Variants in DGKG observed in about 807,000 individuals in gnomAD.
DGKG encodes diacylglycerol kinase gamma.
DGKG carries 78 observed loss-of-function variants against 105.3 expected under a neutral mutation model. The observed-to-expected ratio is 0.74, with a 90% CI of 0.62 to 0.89. The LOEUF (loss-of-function observed/expected upper bound fraction) is 0.89, where lower values mean the gene tolerates loss of function less well. DGKG is among the 40% of genes least tolerant of loss of function. The pLI, the probability that DGKG is intolerant of heterozygous loss-of-function variation, is 0.00. For missense variants in DGKG, 958 were observed against 1,020.1 expected (o/e 0.94, Z 0.83); for synonymous variants, 346 against 367.1 (o/e 0.94, Z 0.66).
At chr3:186,221,303 G>C (rs1267240847) in intron 20 of DGKG, among the ~76,000 whole-genome samples, 3 of 152,112 alleles carry the variant, frequency 2.0e-5, no homozygotes, top group Non-Finnish European at 4.4e-5. Flanking sequence ...GTTAGTATCT[G>C]TCCTTGCCAA....
At chr3:186,257,163 G>A (rs1721519245) in intron 17 of DGKG, among the ~76,000 whole-genome samples, 3 of 152,278 alleles carry the variant, frequency 2.0e-5, no homozygotes, top group Non-Finnish European at 2.9e-5. Flanking sequence ...GTGCTCCCCC[G>A]GCCGCTTTCT....
intron 21 of DGKG, among the ~76,000 whole-genome samples, chr3:186,196,671 T>G (rs1718198020): frequency 6.6e-6 from 1 of 152,190 alleles, no homozygotes; most frequent in African/African-American, 2.4e-5. Context: ...GAATTTTGGC[T>G]ATTGGATAAG....
chr3:186,243,895 G>GGT (rs373579280), intron 19 of DGKG, among the ~76,000 whole-genome samples: 1 of 116,338 alleles, frequency 8.6e-6, no homozygotes, highest in Non-Finnish European at 1.6e-5. Flanking sequence ...AAATTTCTGT[G>GGT]TTTTTTTTTT....
chr3:186,319,055 T>C (rs1724954743), intron 2 of DGKG, among the ~76,000 whole-genome samples: 1 of 152,214 alleles, frequency 6.6e-6, no homozygotes, highest in Non-Finnish European at 1.5e-5. Flanking sequence ...TGACAGGGCT[T>C]GGTGCTTTGC....
intron 19 of DGKG, among the ~76,000 whole-genome samples, chr3:186,250,762 C>T (rs920932364): frequency 2.6e-5 from 4 of 151,896 alleles, no homozygotes; most frequent in African/African-American, 4.8e-5. Context: ...GTTGGCCAGG[C>T]TGGTCTCGAA....
chr3:186,160,607 C>A, intron 24 of DGKG: 1 of 985,378 alleles, frequency 1.0e-6, no homozygotes. Context: ...TAGTAGAAGA[C>A]AATTTGATGT....
At chr3:186,177,946 A>G (rs1348368093) in intron 22 of DGKG, among the ~76,000 whole-genome samples, 1 of 149,842 alleles carries the variant, frequency 6.7e-6, no homozygotes, top group African/African-American at 2.5e-5. Flanking sequence ...ATATGATGGT[A>G]TTTGGAGGTA....
chr3:186,230,025 C>T (rs578193010), intron 20 of DGKG, among the ~76,000 whole-genome samples: 265 of 152,134 alleles, frequency 1.7e-3, no homozygotes, highest in African/African-American at 6.0e-3. Context: ...TTTGGGAGGC[C>T]GAGGCGGGCG....
chr3:186,334,901 C>G (rs1725758266), intron 1 of DGKG, among the ~76,000 whole-genome samples: 1 of 152,162 alleles, frequency 6.6e-6, no homozygotes, highest in Non-Finnish European at 1.5e-5. Flanking sequence ...GCAAATATAT[C>G]TGTAATAATT....
At chr3:186,294,924 A>G (rs1200596915) in intron 5 of DGKG, among the ~76,000 whole-genome samples, 2 of 152,140 alleles carry the variant, frequency 1.3e-5, no homozygotes, top group African/African-American at 4.8e-5. Context: ...GCTGCTCCTC[A>G]TCCTTGCTTT....
intron 22 of DGKG, among the ~76,000 whole-genome samples, chr3:186,177,905 C>T (rs1717161904): frequency 6.6e-6 from 1 of 152,214 alleles, no homozygotes; most frequent in Admixed American, 6.5e-5. Context: ...TCCCCTCCCC[C>T]CATATTCATA....
intron 1 of DGKG, among the ~76,000 whole-genome samples, chr3:186,356,433 G>C (rs1412014637): frequency 6.6e-6 from 1 of 152,188 alleles, no homozygotes; most frequent in Admixed American, 6.5e-5. Flanking sequence ...GGCAAGTATC[G>C]GGTGAAGGCG....
In DGKG at chr3:186,348,480, G is replaced by T. The variant is rs1215806637; in HGVS notation, c.-249+13466C>A. ...TTTTTTTTTTTTTTTTTGAGATAGGGTCTCACTGTTGTTCAGGCTGGAGTG... is the reference window on the plus strand; with the variant it reads ...TTTTTTTTTTTTTTTTTGAGATAGGTTCTCACTGTTGTTCAGGCTGGAGTG... On this transcript the variant is annotated intron_variant, in intron 1 of 24. Transcript: ENST00000265022. Among the ~76,000 whole-genome samples, 6 of 137,894 alleles carry T rather than the reference G, an allele frequency of 4.4e-5. No individual in the cohort carries two copies. In the Admixed American group the frequency reaches 4.4e-4, roughly 10 times the overall value. 90.5% of individuals were successfully genotyped at this position (137,894 alleles called of 152,430 possible). A position where few individuals can be genotyped will look rare whatever the true frequency, so the allele number is the denominator to read the frequency against.
At chr3:186,349,612 G>C (rs1230762680) in intron 1 of DGKG, among the ~76,000 whole-genome samples, 1 of 152,036 alleles carries the variant, frequency 6.6e-6, no homozygotes, top group African/African-American at 2.4e-5. Context: ...CTTTGGAACT[G>C]CTAGATATTG....
Position 186,239,012 on chromosome 3 carries a change from T to C in DGKG, c.1826+3492A>G, listed in dbSNP as rs535621343. Among the ~76,000 whole-genome samples the C allele has an allele frequency of 8.5e-5, 13 of 152,320 alleles. No individual in the cohort carries two copies. In the South Asian group the frequency reaches 2.1e-3, roughly 24 times the overall value. On this transcript the variant is annotated intron_variant, in intron 20 of 24. Transcript: ENST00000265022. The stretch of plus-strand genomic sequence containing the variant: ...TCCTTTAAGAATCTTCTGATAGTTA[T>C]GGACATTCTCTGCAGAAAAATACAT...
chr3:186,304,212 C>T (rs1282612717), intron 3 of DGKG, among the ~76,000 whole-genome samples: 1 of 152,204 alleles, frequency 6.6e-6, no homozygotes, highest in East Asian at 1.9e-4. Context: ...GATTAGCAGC[C>T]GCCGCCAGGC....
chr3:186,290,178 G>T (rs537570801), intron 5 of DGKG, among the ~76,000 whole-genome samples: 1 of 152,186 alleles, frequency 6.6e-6, no homozygotes, highest in East Asian at 1.9e-4. Flanking sequence ...GGCCCTTAGC[G>T]GGATGCAAGA....
intron 2 of DGKG, among the ~76,000 whole-genome samples, chr3:186,314,410 A>C (rs1381956023): frequency 6.6e-6 from 1 of 152,180 alleles, no homozygotes; most frequent in Non-Finnish European, 1.5e-5. Flanking sequence ...TAGTAGTCTC[A>C]GTTTTAAAAT....
At chr3:186,327,428 C>T (rs1366118729) in intron 1 of DGKG, among the ~76,000 whole-genome samples, 1 of 150,336 alleles carries the variant, frequency 6.7e-6, no homozygotes, top group Non-Finnish European at 1.5e-5. Flanking sequence ...TCTCTGTCAC[C>T]CATGCTGGAG....
Sources: allele counts gnomAD v4.1 joint callset (sites outside exome capture counted in the v4.1 genomes callset), GRCh38; gene constraint gnomAD v4.1.1; transcripts MANE v1.5; gene names NCBI Gene and HGNC (gene_info 2026-07-23, HGNC 2026-07-21).